Variants in MDGA2 observed in about 807,000 individuals in gnomAD.
MDGA2 encodes the protein MAM domain containing glycosylphosphatidylinositol anchor 2.
In MDGA2, 40 loss-of-function variants were observed where a neutral mutation model predicts 117.8. That is an observed-to-expected ratio of 0.34 (90% CI 0.26 to 0.44). The LOEUF (loss-of-function observed/expected upper bound fraction) is 0.44, where lower values mean the gene tolerates loss of function less well. Ranked by LOEUF, MDGA2 falls within the 20% of genes least tolerant of loss-of-function variation. The pLI, the probability that MDGA2 is intolerant of heterozygous loss-of-function variation, is 1.00. For missense variants in MDGA2, 1,123 were observed against 1,250.6 expected, an observed-to-expected ratio of 0.90 and a Z score of 1.54; for synonymous variants, 452 against 439.0, an observed-to-expected ratio of 1.03 and a Z score of -0.37.
chr14:46,986,191 A>G (rs1186871365), intron 8 of MDGA2, among the ~76,000 whole-genome samples: 1 of 152,076 alleles, frequency 6.6e-6, no homozygotes, highest in Non-Finnish European at 1.5e-5. Flanking sequence ...ACACAACATA[A>G]CAGATGGCAC....
At chr14:47,134,631 A>C (rs1882362721) in intron 4 of MDGA2, among the ~76,000 whole-genome samples, 1 of 151,944 alleles carries the variant, frequency 6.6e-6, no homozygotes, top group African/African-American at 2.4e-5. Context: ...AAATCAGTAG[A>C]ATTACAACTG....
At chr14:47,186,343 A>C (rs943546753) in intron 3 of MDGA2, among the ~76,000 whole-genome samples, 3 of 151,810 alleles carry the variant, frequency 2.0e-5, no homozygotes, top group Admixed American at 6.6e-5. Flanking sequence ...TTCATATGAA[A>C]GAATAAATTG....
chr14:47,320,192 T>C (rs1469002607), intron 1 of MDGA2, among the ~76,000 whole-genome samples: 1 of 152,160 alleles, frequency 6.6e-6, no homozygotes, highest in Non-Finnish European at 1.5e-5. Flanking sequence ...CAGTACTTTG[T>C]TGCAGCTGCC....
chr14:47,443,199 AAG>A (rs1382532697), intron 1 of MDGA2, among the ~76,000 whole-genome samples: 11 of 152,276 alleles, frequency 7.2e-5, no homozygotes, highest in African/African-American at 2.2e-4. Flanking sequence ...AAGAGGCAAA[AAG>A]AAATTCATGC....
chr14:47,380,581 C>T (rs1382970185), intron 1 of MDGA2, among the ~76,000 whole-genome samples: 2 of 151,972 alleles, frequency 1.3e-5, no homozygotes, highest in Admixed American at 6.6e-5. Flanking sequence ...GAGAATACTA[C>T]AAACACCTCT....
intron 1 of MDGA2, among the ~76,000 whole-genome samples, chr14:47,419,826 T>C (rs2138504361): frequency 6.6e-6 from 1 of 152,240 alleles, no homozygotes; most frequent in Admixed American, 6.5e-5. Context: ...GTGGACCATT[T>C]TTCTTGTGAG....
intron 2 of MDGA2, among the ~76,000 whole-genome samples, chr14:47,250,942 T>G (rs1594753603): frequency 6.6e-6 from 1 of 152,202 alleles, no homozygotes; most frequent in East Asian, 1.9e-4. Flanking sequence ...AGGCCACTAT[T>G]ATTATCTCAC....
chr14:46,877,953 G>A (rs1466541018), intron 11 of MDGA2, among the ~76,000 whole-genome samples: 1 of 151,864 alleles, frequency 6.6e-6, no homozygotes, highest in Non-Finnish European at 1.5e-5. Flanking sequence ...TGAGAGTAAA[G>A]TAGAAAGTTC....
rs149073011 is a variant in MDGA2 at position 47,463,217 on chromosome 14, C to T, written c.281-161667G>A. Among the ~76,000 whole-genome samples, 418 of 152,200 alleles carry T rather than the reference C, an allele frequency of 2.7e-3. 3 individuals carry two copies. Among genetic ancestry groups the T allele is most frequent in the African/African-American group, 8.0e-3 (333 of 41,526 alleles). ...AATTTTTATTAAAATTACTTTATTT[C>T]CTTGTCCCATTCCACTGAAAAAATT... On this transcript the variant is annotated intron_variant, in intron 1 of 16. Transcript: ENST00000399232.
intron 2 of MDGA2, among the ~76,000 whole-genome samples, chr14:47,244,781 T>C (rs1472022419): frequency 6.6e-6 from 1 of 151,774 alleles, no homozygotes; most frequent in African/African-American, 2.4e-5. Flanking sequence ...TCTGTGTCTG[T>C]ATATTTTTAT....
chr14:47,031,110 A>C (rs1594545959), intron 8 of MDGA2, among the ~76,000 whole-genome samples: 1 of 151,876 alleles, frequency 6.6e-6, no homozygotes, highest in African/African-American at 2.4e-5. Flanking sequence ...TAATTTTGTA[A>C]GTTATATTGC....
At chr14:47,506,377 A>T (rs552011119) in intron 1 of MDGA2, among the ~76,000 whole-genome samples, 191 of 152,370 alleles carry the variant, frequency 1.3e-3, no homozygotes, top group Non-Finnish European at 2.4e-3. Context: ...TCACACCCAG[A>T]TATGGCCACA....
chr14:46,928,178 T>C (rs1329460373), intron 9 of MDGA2, among the ~76,000 whole-genome samples: 4 of 152,178 alleles, frequency 2.6e-5, no homozygotes, highest in Non-Finnish European at 4.4e-5. Flanking sequence ...AGTCTTCCTA[T>C]TATTAATCTG....
At chr14:47,398,268 A>T in intron 1 of MDGA2, among the ~76,000 whole-genome samples, 1 of 152,172 alleles carries the variant, frequency 6.6e-6, no homozygotes, top group African/African-American at 2.4e-5. Context: ...ATACTGAAGT[A>T]TAGAAATCAA....
chr14:47,336,060 G>C (rs1594803422), intron 1 of MDGA2, among the ~76,000 whole-genome samples: 1 of 151,726 alleles, frequency 6.6e-6, no homozygotes, highest in Non-Finnish European at 1.5e-5. Context: ...GAAAGAATTC[G>C]ATAAAGACTT....
intron 3 of MDGA2, among the ~76,000 whole-genome samples, chr14:47,158,921 G>A (rs1450485001): frequency 6.6e-6 from 1 of 152,186 alleles, no homozygotes; most frequent in Non-Finnish European, 1.5e-5. Context: ...ATGCATATGA[G>A]TAGGTGAAAG....
At chr14:47,432,134 C>G (rs964690554) in intron 1 of MDGA2, among the ~76,000 whole-genome samples, 1 of 141,954 alleles carries the variant, frequency 7.0e-6, no homozygotes, top group African/African-American at 2.6e-5. Flanking sequence ...ATATCAAGCT[C>G]TGATTGTTTT....
intron 1 of MDGA2, among the ~76,000 whole-genome samples, chr14:47,526,333 A>C (rs1408329057): frequency 2.6e-5 from 4 of 152,204 alleles, no homozygotes; most frequent in Non-Finnish European, 5.9e-5. Context: ...ATTTTTCTCC[A>C]AATAGAATTT....
At chr14:47,655,574 G>T (rs754616550) in intron 1 of MDGA2, among the ~76,000 whole-genome samples, 17 of 152,088 alleles carry the variant, frequency 1.1e-4, no homozygotes, top group Non-Finnish European at 1.8e-4. Context: ...GTGAGTTGTA[G>T]GAGTCTATGG....
Sources: allele counts gnomAD v4.1 joint callset (sites outside exome capture counted in the v4.1 genomes callset), GRCh38; gene constraint gnomAD v4.1.1; transcripts MANE v1.5; gene names NCBI Gene and HGNC (gene_info 2026-07-23, HGNC 2026-07-21).